Variants in MKI67 observed in about 807,000 individuals in gnomAD.
MKI67 encodes the protein marker of proliferation Ki-67, also known as proliferation marker protein Ki-67.
A neutral mutation model predicts 233.5 loss-of-function variants in MKI67; 152 were observed. The observed-to-expected ratio is 0.65, with a 90% CI of 0.57 to 0.74. The LOEUF (loss-of-function observed/expected upper bound fraction) is 0.74, where lower values mean the gene tolerates loss of function less well. MKI67 is among the 30% of genes least tolerant of loss of function. The pLI is 0.00. For missense variants in MKI67, 3,940 were observed against 3,885.2 expected, an observed-to-expected ratio of 1.01 and a Z score of -0.37; for synonymous variants, 1,465 against 1,418.5, an observed-to-expected ratio of 1.03 and a Z score of -0.74.
chr10:128,110,255 G>A lies in MKI67; in HGVS notation c.2416+123C>T, dbSNP rs1011685612. 6.4e-5 allele frequency: 45 copies of A among 705,060 alleles called. No homozygotes were observed. The Admixed American group carries it at 8.1e-4, about 13-fold the overall frequency. 43.7% of individuals were successfully genotyped at this position (705,060 alleles called of 1,614,324 possible). On this transcript the variant is annotated intron_variant, in intron 12 of 14. Coordinates refer to ENST00000368654, the MANE Select transcript of MKI67 (RefSeq NM_002417.5). ...CCCTTTCAATTAGAACAGAGAAGAC[G>A]GAAATGGTATTTTGTGCCAGGAACA...
Position 128,111,765 on chromosome 10 carries a change from G to A in MKI67, c.2140C>T (p.Pro714Ser). ...SQFSTGHANS[P>S]CTIIIGKAHT... ...GCTTTCCCTATTATTATGGTACAAGGAGAGTTTGCGTGGCCTGTACTAAAT... is the reference window on the plus strand; with the variant it reads ...GCTTTCCCTATTATTATGGTACAAGAAGAGTTTGCGTGGCCTGTACTAAAT... The change falls in exon 11 of 15, where the codon CCT becomes TCT. Residue 714 changes from proline to serine, a missense_variant. Transcript: ENST00000368654. 2 of 1,614,186 alleles carry A rather than the reference G, an allele frequency of 1.2e-6. No homozygotes were observed. The highest frequency in any genetic ancestry group is 1.7e-6 in the Non-Finnish European group (2 of 1,180,028).
Position 128,103,304 on chromosome 10 carries a change from C to A in MKI67, c.8536G>T (p.Ala2846Ser). ...TSSKRRPRTR[A>S]QKVEVKEELL... ...TCCTCCTTCACTTCTACTTTCTGGG[C>A]ACGTGTCCTGGGCCGTCTCTTTGAG... Residue 2846 changes from alanine to serine, a missense_variant, in exon 13 of 15, where the codon GCC becomes TCC. Physicochemically the swap from Ala to Ser is moderately conservative, Grantham distance 99. Transcript: ENST00000368654. The A allele has an allele frequency of 6.2e-7, 1 of 1,614,158 alleles. No homozygotes were observed. The highest frequency in any genetic ancestry group is 1.1e-5 in the South Asian group (1 of 91,082).
intron 5 of MKI67, 132 bp downstream of exon 5, chr10:128,119,121 T>C (rs1296249358): frequency 3.0e-6 from 2 of 673,514 alleles, no homozygotes; most frequent in African/African-American, 1.8e-5. Context: ...TTTTATACTT[T>C]AGTTACATTT....
At chr10:128,119,232 A>T (rs1333781576) in intron 5 of MKI67, 21 bp downstream of exon 5, 1 of 1,560,484 alleles carries the variant, frequency 6.4e-7, no homozygotes, top group Non-Finnish European at 8.8e-7. Context: ...AATCAGCCCA[A>T]ACTTGGATAT....
In MKI67 at chr10:128,105,349, G is replaced by A. The variant is rs775845777; in HGVS notation, c.6491C>T (p.Ala2164Val). ...TGCTGCTGGGTCCAGTTTCTGTTTT[G>A]CAGTTTCCCTGAACACGTTGATGCC... Reference protein sequence around the residue: ...DKGINVFRETAKQKLDPAASV... With the variant: ...DKGINVFRETVKQKLDPAASV... The change falls in exon 13 of 15, where the codon GCA (alanine) becomes GTA (valine). Residue 2164 changes from alanine to valine, a missense_variant. Coordinates refer to ENST00000368654, the MANE Select transcript of MKI67 (RefSeq NM_002417.5). The A allele has an allele frequency of 2.5e-6, 4 of 1,614,154 alleles. No homozygotes were observed. The highest frequency in any genetic ancestry group is 3.4e-6 in the Non-Finnish European group (4 of 1,180,030).
At chr10:128,109,539 G>A (rs1337940315) in intron 12 of MKI67, 116 bp from the exon 13 acceptor site, 6 of 1,086,094 alleles carry the variant, frequency 5.5e-6, no homozygotes, top group Admixed American at 2.7e-5. Flanking sequence ...TTCACTGAAC[G>A]ACATGAGGCT....
rs761853884 is a variant in MKI67, at chr10:128,109,133, A to G, written c.2707T>C (p.Cys903Arg). The change falls in exon 13 of 15, where the codon TGC (cysteine) becomes CGC (arginine). Residue 903 changes from cysteine (C) to arginine (R), a missense_variant. Coordinates refer to ENST00000368654, the MANE Select transcript of MKI67 (RefSeq NM_002417.5). The part of the protein sequence containing the change: ...SEETNTEIVE[C>R]ILKRGQKATL... ...GCCTTCTGACCTCTTTTTAGGATGC[A>G]CTCAACAATTTCTGTATTTGTTTCT... 3.1e-6 allele frequency: 5 copies of G among 1,613,942 alleles called. No homozygotes were observed. The highest frequency in any genetic ancestry group is 4.5e-5 in the East Asian group (2 of 44,894).
Position 128,115,294 on chromosome 10 carries a change from T to C in MKI67, c.1114A>G (p.Arg372Gly). 3.1e-6 allele frequency: 5 copies of C among 1,614,068 alleles called. No homozygotes were observed. The Middle Eastern group carries it at 6.6e-4, about 213-fold the overall frequency. Residue 372 changes from arginine to glycine, a missense_variant, in exon 7 of 15, where the codon AGA (arginine) becomes GGA (glycine). Arg to Gly is a moderately radical substitution (Grantham distance 125). Coordinates refer to ENST00000368654, the MANE Select transcript of MKI67 (RefSeq NM_002417.5). ...KNKDLYTTGR[R>G]ESVNLGKSEG... is the part of the protein sequence containing the mutation. ...CTTTTACCCAGATTCACAGATTCTC[T>C]TCTACCAGTAGTATACAGGTCTTTG...
Position 128,104,221 on chromosome 10 carries a change from G to A in MKI67, c.7619C>T (p.Thr2540Ile), listed in dbSNP as rs773432879. Residue 2540 changes from threonine (T) to isoleucine (I), a missense_variant, in exon 13 of 15, where the codon ACT (threonine) becomes ATT (isoleucine). Transcript: ENST00000368654. ...AGTTCTCAGCTGCCTCCTGCTACCAGTTACACTTGCTGCTGGGTCCAGGAT... is the reference window on the plus strand; with the variant it reads ...AGTTCTCAGCTGCCTCCTGCTACCAATTACACTTGCTGCTGGGTCCAGGAT... ...KQILDPAASV[T>I]GSRRQLRTRK... 1 of 1,614,106 alleles carries A rather than the reference G, an allele frequency of 6.2e-7. No homozygotes were observed. The highest frequency in any genetic ancestry group is 1.1e-5 in the South Asian group (1 of 91,082).
In MKI67 at chr10:128,105,095, C is replaced by G; in HGVS notation, c.6745G>C (p.Glu2249Gln). ...TTCCTGAGTGCTAAGGATTCTTCCTCTACGTCTGCTTTCCTGAGACTTCTC... is the reference window on the plus strand; with the variant it reads ...TTCCTGAGTGCTAAGGATTCTTCCTGTACGTCTGCTTTCCTGAGACTTCTC... Reference protein sequence around the residue: ...SKRSLRKADVEEESLALRKRT... With the variant: ...SKRSLRKADVQEESLALRKRT... The change falls in exon 13 of 15, where the codon GAG (glutamate) becomes CAG (glutamine). Residue 2249 changes from glutamate to glutamine, a missense_variant. Glu to Gln is a conservative substitution (Grantham distance 29). Coordinates refer to ENST00000368654, the MANE Select transcript of MKI67 (RefSeq NM_002417.5). The G allele has an allele frequency of 6.2e-7, 1 of 1,614,040 alleles. No homozygotes were observed. Among genetic ancestry groups the G allele is most frequent in the Non-Finnish European group, 8.5e-7 (1 of 1,180,038 alleles).
Position 128,113,780 on chromosome 10 carries a change from T to A in MKI67, c.1481-178A>T, listed in dbSNP as rs184593824. Among the ~76,000 whole-genome samples, 112 of 152,306 alleles carry A rather than the reference T, an allele frequency of 7.4e-4. 1 individual carries two copies. The highest frequency in any genetic ancestry group is 2.6e-3 in the African/African-American group (110 of 41,564). On this transcript the variant is annotated intron_variant, in intron 7 of 14. Transcript: ENST00000368654. ...TAAGCTACTAAGAGTTCCTAAAGGA[T>A]TGCGGGAGTGGCCACTAAGACGTCA... is the stretch of plus-strand genomic sequence containing the variant.
rs751754756 is a variant in MKI67, at chr10:128,103,904, A to G, written c.7936T>C (p.Leu2646=). The G allele has an allele frequency of 2.5e-6, 4 of 1,613,628 alleles. No individual in the cohort carries two copies. The highest frequency in any genetic ancestry group is 2.2e-5 in the East Asian group (1 of 44,822). Residue 2646 remains leucine, a synonymous_variant, in exon 13 of 15, where the codon TTG becomes CTG. Transcript: ENST00000368654. ...GGTTTCTTCTTTGCACGTTGCTTCA[A>G]TACTTTGATGCCCTCATCACCGCTT... The part of the protein sequence containing the change: ...PASGDEGIKV[L]KQRAKKKPNP...
intron 7 of MKI67, among the ~76,000 whole-genome samples, chr10:128,114,496 A>G (rs1388150175): frequency 6.6e-6 from 1 of 152,252 alleles, no homozygotes; most frequent in African/African-American, 2.4e-5. Flanking sequence ...ACAGAGTATC[A>G]ACACCTGAGA....
In MKI67 at chr10:128,108,657, A is replaced by G. The variant is rs1257225664; in HGVS notation, c.3183T>C (p.Asp1061=). The G allele has an allele frequency of 1.9e-6, 3 of 1,614,010 alleles. No individual in the cohort carries two copies. The highest frequency in any genetic ancestry group is 1.3e-5 in the African/African-American group (1 of 75,002). Residue 1061 remains aspartate, a synonymous_variant, in exon 13 of 15, where the codon GAT becomes GAC. Coordinates refer to ENST00000368654, the MANE Select transcript of MKI67 (RefSeq NM_002417.5). ...TTHTHREPAG[D]GKSIRTFKES... is the part of the protein sequence containing the mutation. ...CCTTAAACGTTCTGATGCTCTTGCC[A>G]TCTCCTGCTGGCTCTCTGTGCGTGT... is the stretch of plus-strand genomic sequence containing the variant.
intron 7 of MKI67, among the ~76,000 whole-genome samples, chr10:128,113,876 A>G (rs989397351): frequency 6.6e-6 from 1 of 152,172 alleles, no homozygotes; most frequent in Non-Finnish European, 1.5e-5. Context: ...AGAAAGGAGG[A>G]GTCTGCAGCA....
In MKI67 at chr10:128,104,570, GC is replaced by G; in HGVS notation, c.7269del (p.Gln2423HisfsTer12). Reference protein sequence around the residue: ...LLGNLPGSKRQPQTPKEKAEA... With the variant: ...LLGNLPGSKRXPQTPKEKAEA... ...TCAGCCTTTTCCTTAGGAGTCTGTGGCTGTCTCTTGCTGCCAGGTAAATTTC... is the reference window on the plus strand; with the variant it reads ...TCAGCCTTTTCCTTAGGAGTCTGTGGTGTCTCTTGCTGCCAGGTAAATTTC... On this transcript the variant is annotated frameshift_variant, in exon 13 of 15. Transcript: ENST00000368654. LOFTEE classifies it high-confidence loss of function. 6.2e-7 allele frequency: 1 copy of G among 1,614,072 alleles called. No individual in the cohort carries two copies. The highest frequency in any genetic ancestry group is 8.5e-7 in the Non-Finnish European group (1 of 1,180,008).
chr10:128,097,965 G>GACAGGGCACTGCCCGC lies in MKI67; in HGVS notation c.*1209_*1224dup, dbSNP rs570020989. ...CAGACACTGGGGAAACAAACGTGGA[G>GACAGGGCACTGCCCGC]ACAGGGCACTGCCCGCACAGGGCAC... On this transcript the variant is annotated 3_prime_UTR_variant, in exon 15 of 15. Transcript: ENST00000368654. 1 of 152,342 alleles carries GACAGGGCACTGCCCGC rather than the reference G, an allele frequency of 6.6e-6. No individual in the cohort carries two copies. The highest frequency in any genetic ancestry group is 2.4e-5 in the African/African-American group (1 of 41,464). 9.4% of individuals were successfully genotyped at this position (152,342 alleles called of 1,614,324 possible).
Position 128,107,834 on chromosome 10 carries a change from G to T in MKI67, c.4006C>A (p.Pro1336Thr). 3.1e-6 allele frequency: 5 copies of T among 1,613,510 alleles called. No individual in the cohort carries two copies. The highest frequency in any genetic ancestry group is 4.2e-6 in the Non-Finnish European group (5 of 1,179,904). ...LTGSKRRPQTPKEEAQALEDL... is the reference protein window; with the variant it reads ...LTGSKRRPQTTKEEAQALEDL... ...TCCAGAGCCTGGGCCTCTTCCTTAG[G>T]AGTTTGTGGCCGTCTCTTGCTGCCG... The change falls in exon 13 of 15, where the codon CCT becomes ACT. Residue 1336 changes from proline (P) to threonine (T), a missense_variant. Pro to Thr is a conservative substitution (Grantham distance 38). Coordinates refer to ENST00000368654, the MANE Select transcript of MKI67 (RefSeq NM_002417.5).
rs776486456 is a variant in MKI67, at chr10:128,108,408, C to A, written c.3432G>T (p.Lys1144Asn). 3.3e-5 allele frequency: 54 copies of A among 1,614,024 alleles called. No individual in the cohort carries two copies. The highest frequency in any genetic ancestry group is 1.6e-4 in the Middle Eastern group (1 of 6,084). Reference protein sequence around the residue: ...PESVDTPTSTKQWPKRSLRKA... With the variant: ...PESVDTPTSTNQWPKRSLRKA... ...TCCTGAGACTTCTCTTAGGCCATTG[C>A]TTTGTGCTTGTTGGAGTGTCCACTG... The change falls in exon 13 of 15, where the codon AAG becomes AAT. Residue 1144 changes from lysine to asparagine, a missense_variant. Physicochemically the swap from Lys to Asn is moderately conservative, Grantham distance 94 (BLOSUM62 0). Coordinates refer to ENST00000368654, the MANE Select transcript of MKI67 (RefSeq NM_002417.5).
Sources: gnomAD v4.1 joint callset for allele counts (sites outside exome capture counted in the v4.1 genomes callset) on GRCh38, gnomAD v4.1.1 for gene constraint, MANE v1.5 for transcripts, NCBI Gene and HGNC (gene_info 2026-07-23, HGNC 2026-07-21) for gene names.